Variants in PDE10A observed in about 807,000 individuals in gnomAD.
PDE10A encodes cAMP and cAMP-inhibited cGMP 3',5'-cyclic phosphodiesterase 10A.
Under a neutral mutation model 97.7 loss-of-function variants are expected in PDE10A, and 39 were observed. The ratio of observed to expected loss-of-function variants is 0.40; its 90% CI spans 0.31 to 0.52. The LOEUF (loss-of-function observed/expected upper bound fraction) is 0.52, where lower values mean the gene tolerates loss of function less well. PDE10A is among the 20% of genes least tolerant of loss of function. PDE10A has a pLI of 0.56. For missense variants in PDE10A, 731 were observed against 1,047.8 expected, an observed-to-expected ratio of 0.70 and a Z score of 4.17; for synonymous variants, 371 against 376.8, an observed-to-expected ratio of 0.98 and a Z score of 0.18.
chr6:165,885,886 G>A (rs1243092391), intron 1 of PDE10A, among the ~76,000 whole-genome samples: 1 of 152,174 alleles, frequency 6.6e-6, no homozygotes, highest in African/African-American at 2.4e-5. Context: ...AACCTGTTAT[G>A]CTCTTTTGGC....
At chr6:165,792,484 C>G (rs547168900) in intron 1 of PDE10A, among the ~76,000 whole-genome samples, 23 of 152,286 alleles carry the variant, frequency 1.5e-4, no homozygotes, top group Admixed American at 6.5e-4. Context: ...CACTTGGTTC[C>G]CTGGCTCACT....
At chr6:165,540,210 A>C (rs1783347799) in intron 2 of PDE10A, among the ~76,000 whole-genome samples, 1 of 152,148 alleles carries the variant, frequency 6.6e-6, no homozygotes. Context: ...CAGATGCCTG[A>C]CCCCTGGTGA....
chr6:165,740,062 G>T (rs1043196886), intron 1 of PDE10A, among the ~76,000 whole-genome samples: 1 of 152,132 alleles, frequency 6.6e-6, no homozygotes, highest in Non-Finnish European at 1.5e-5. Context: ...TTACTCAAAG[G>T]ACTAAAAATG....
At chr6:165,525,558 T>C (rs533705) in intron 2 of PDE10A, among the ~76,000 whole-genome samples, 110,084 of 151,616 alleles carry the variant, frequency 0.73, 42,094 homozygotes, top group Non-Finnish European at 0.84. Flanking sequence ...CCCGAAGATA[T>C]ACCCTTGACC....
intron 13 of PDE10A, among the ~76,000 whole-genome samples, chr6:165,411,227 C>A (rs1787798689): frequency 6.6e-6 from 1 of 150,528 alleles, no homozygotes; most frequent in African/African-American, 2.5e-5. Context: ...GATGAGATAA[C>A]AACACAGTAC....
At chr6:165,795,540 A>G (rs1247689143) in intron 1 of PDE10A, among the ~76,000 whole-genome samples, 2 of 152,148 alleles carry the variant, frequency 1.3e-5, no homozygotes, top group Non-Finnish European at 2.9e-5. Flanking sequence ...AGCCTGGCCA[A>G]CATGGTGAAA....
chr6:165,803,545 G>A (rs199734044), intron 1 of PDE10A, among the ~76,000 whole-genome samples: 2 of 152,200 alleles, frequency 1.3e-5, no homozygotes, highest in East Asian at 3.8e-4. Context: ...TAGGCTCCTT[G>A]CAGGTAGGAA....
intron 1 of PDE10A, among the ~76,000 whole-genome samples, chr6:165,636,963 G>A (rs529535196): frequency 3.3e-5 from 5 of 152,268 alleles, no homozygotes; most frequent in African/African-American, 1.2e-4. Context: ...CGATTCATGT[G>A]AAAATTGTCA....
At chr6:165,384,937 G>A (rs1785194520) in intron 17 of PDE10A, among the ~76,000 whole-genome samples, 1 of 152,142 alleles carries the variant, frequency 6.6e-6, no homozygotes, top group Non-Finnish European at 1.5e-5. Flanking sequence ...TGTCTGTGTG[G>A]CCAGAGGATG....
At chr6:165,958,154 G>A (rs747112921) in intron 1 of PDE10A, among the ~76,000 whole-genome samples, 2 of 152,112 alleles carry the variant, frequency 1.3e-5, no homozygotes, top group Non-Finnish European at 2.9e-5. Flanking sequence ...GAGACCCAGC[G>A]TCTCCGGGAA....
At chr6:165,618,892 G>C (rs1324638380) in intron 1 of PDE10A, among the ~76,000 whole-genome samples, 1 of 152,194 alleles carries the variant, frequency 6.6e-6, no homozygotes, top group Non-Finnish European at 1.5e-5. Context: ...GCATGGGCTG[G>C]CTGCGGGCTA....
At chr6:165,902,795 C>G (rs1329035032) in intron 1 of PDE10A, among the ~76,000 whole-genome samples, 1 of 152,220 alleles carries the variant, frequency 6.6e-6, no homozygotes, top group East Asian at 1.9e-4. Context: ...CCACACTCAT[C>G]ATCCTTCCAC....
At chr6:165,348,556 G>A (rs899635592) in intron 18 of PDE10A, among the ~76,000 whole-genome samples, 3 of 152,194 alleles carry the variant, frequency 2.0e-5, no homozygotes, top group Admixed American at 1.3e-4. Flanking sequence ...GTGCTTTGAA[G>A]GGAAATTTCA....
chr6:165,544,661 C>T (rs1001423488), intron 1 of PDE10A, among the ~76,000 whole-genome samples: 6 of 151,466 alleles, frequency 4.0e-5, no homozygotes, highest in African/African-American at 1.2e-4. Flanking sequence ...AGAGAGTAGG[C>T]TGTATGTTTT....
At chr6:165,405,510 A>G (rs1260008775) in intron 13 of PDE10A, among the ~76,000 whole-genome samples, 1 of 152,228 alleles carries the variant, frequency 6.6e-6, no homozygotes, top group African/African-American at 2.4e-5. Flanking sequence ...TGGACTATGC[A>G]CTGTTCTAAG....
rs191158864 is a variant in PDE10A, at chr6:165,497,588, G to A, written c.995-15245C>T. On this transcript the variant is annotated intron_variant, in intron 2 of 21. Coordinates refer to ENST00000539869, the MANE Select transcript of PDE10A (RefSeq NM_001385079.1). ...AAGAAAGTCATCATGACACAACCACGTATATACGACTCTTCTTTTCCATAG... is the reference window on the plus strand; with the variant it reads ...AAGAAAGTCATCATGACACAACCACATATATACGACTCTTCTTTTCCATAG... Among the ~76,000 whole-genome samples the A allele has an allele frequency of 1.7e-3, 263 of 152,244 alleles. 1 individual carries two copies. Among genetic ancestry groups the A allele is most frequent in the Non-Finnish European group, 2.2e-3 (148 of 68,028 alleles).
At chr6:165,775,865 C>G (rs1778164986) in intron 1 of PDE10A, 1 of 152,122 alleles carries the variant, frequency 6.6e-6, no homozygotes, top group African/African-American at 2.4e-5. Context: ...TATTAGAGCT[C>G]AAAACTTATA....
chr6:165,431,556 A>G lies in PDE10A; in HGVS notation c.1492-84T>C, dbSNP rs555372480. On this transcript the variant is annotated intron_variant, in intron 7 of 21. Coordinates refer to ENST00000539869, the MANE Select transcript of PDE10A (RefSeq NM_001385079.1). Reference sequence around the variant, plus strand: ...CTATATATAATATACTATATATCATATGTATAATACATAACATATATATAC... The same window carrying G: ...CTATATATAATATACTATATATCATGTGTATAATACATAACATATATATAC... The G allele has an allele frequency of 7.3e-4, 310 of 423,564 alleles. 2 individuals carry two copies. Among genetic ancestry groups the G allele is most frequent in the African/African-American group, 5.9e-3 (273 of 46,058 alleles). The allele number at this position is 423,564 out of a possible 1,614,324, so 26.2% of individuals were successfully genotyped here. A position where few individuals can be genotyped will look rare whatever the true frequency, so the allele number is the denominator to read the frequency against.
chr6:165,864,320 G>A (rs1453093646), intron 1 of PDE10A, among the ~76,000 whole-genome samples: 1 of 152,098 alleles, frequency 6.6e-6, no homozygotes. Context: ...AGAAAGAATT[G>A]GGAAAAATTA....
Sources: allele counts gnomAD v4.1 joint callset (sites outside exome capture counted in the v4.1 genomes callset), GRCh38; gene constraint gnomAD v4.1.1; transcripts MANE v1.5; gene names NCBI Gene and HGNC (gene_info 2026-07-23, HGNC 2026-07-21).